DIP2C: variants seen among roughly 807,000 people sequenced by gnomAD.
DIP2C encodes DIP2 acetate--CoA ligase C (putative), also known as disco-interacting protein 2 homolog C.
DIP2C carries 33 observed loss-of-function variants against 192.4 expected under a neutral mutation model. That is an observed-to-expected ratio of 0.17 (90% confidence interval 0.13 to 0.23). The LOEUF is 0.23. DIP2C is among the 10% of genes least tolerant of loss of function. The pLI is 1.00. For synonymous variants in DIP2C, 979 were observed against 864.1 expected (o/e 1.13, Z -2.33); for missense variants, 1,537 against 2,110.1 (o/e 0.73, Z 5.32).
intron 32 of DIP2C, among the ~76,000 whole-genome samples, chr10:294,164 G>T (rs1955631695): frequency 6.6e-6 from 1 of 152,080 alleles, no homozygotes; most frequent in Non-Finnish European, 1.5e-5. Flanking sequence ...GACACCATTT[G>T]CAGGTGTGGA....
intron 10 of DIP2C, among the ~76,000 whole-genome samples, chr10:392,738 G>A (rs1012191581): frequency 2.5e-4 from 37 of 150,338 alleles, no homozygotes; most frequent in African/African-American, 6.9e-4. Flanking sequence ...GTACACACGC[G>A]CACACACTCA....
Position 479,352 on chromosome 10 carries a change from T to A in DIP2C, c.158-6803A>T, listed in dbSNP as rs1014864278. Among the ~76,000 whole-genome samples the A allele has an allele frequency of 9.6e-4, 134 of 140,260 alleles. 3 individuals are homozygous for A. The East Asian group carries it at 0.023, about 24-fold the overall frequency. The allele number at this position is 140,260 out of a possible 152,430, so 92.0% of individuals were successfully genotyped here. On this transcript the variant is annotated intron_variant, in intron 2 of 36. Transcript: ENST00000280886. ...GCTTTTTTTTTTTTTTTTTTTTTTT[T>A]AAGATGGAGTCTTGTTCTGTTGCCA...
chr10:514,918 T>C (rs1846253839), intron 1 of DIP2C, among the ~76,000 whole-genome samples: 1 of 152,222 alleles, frequency 6.6e-6, no homozygotes, highest in Admixed American at 6.5e-5. Context: ...TTTCTGTAGC[T>C]AAGCAACTTC....
At chr10:281,416 A>C in intron 35 of DIP2C, 93 bp from the exon 36 acceptor site, 1 of 1,478,466 alleles carries the variant, frequency 6.8e-7, no homozygotes, top group Admixed American at 2.2e-5. Context: ...ACGACCCCCA[A>C]GTGAGACAGG....
At chr10:537,244 A>C (rs566501627) in intron 1 of DIP2C, among the ~76,000 whole-genome samples, 1 of 152,278 alleles carries the variant, frequency 6.6e-6, no homozygotes, top group East Asian at 1.9e-4. Context: ...TGAAGGAGGC[A>C]GTGGGATCTA....
intron 1 of DIP2C, among the ~76,000 whole-genome samples, chr10:554,009 C>CCT (rs1848717587): frequency 6.6e-6 from 1 of 151,316 alleles, no homozygotes; most frequent in South Asian, 2.1e-4. Context: ...AAGAAATATA[C>CCT]CTCATAGGAA....
chr10:561,631 G>A (rs1051843592), intron 1 of DIP2C, among the ~76,000 whole-genome samples: 3 of 151,994 alleles, frequency 2.0e-5, no homozygotes, highest in African/African-American at 4.8e-5. Context: ...GCCCTTTCCC[G>A]CCAGTCACAG....
rs555960502 is a variant in DIP2C, at chr10:406,716, T to C, written c.1149+2210A>G. Among the ~76,000 whole-genome samples, 3 of 152,182 alleles carry C rather than the reference T, an allele frequency of 2.0e-5. 1 individual carries two copies. In the South Asian group the frequency reaches 6.2e-4, roughly 32 times the overall value. On this transcript the variant is annotated intron_variant, in intron 9 of 36. Transcript: ENST00000280886. ...GCCTTTGTAGGACTAACAAATTAGCTACAAGATTAGAAATTACTGCATGAC... is the reference window on the plus strand; with the variant it reads ...GCCTTTGTAGGACTAACAAATTAGCCACAAGATTAGAAATTACTGCATGAC...
At chr10:352,513 G>A (rs1248096711) in intron 24 of DIP2C, among the ~76,000 whole-genome samples, 2 of 152,216 alleles carry the variant, frequency 1.3e-5, no homozygotes, top group East Asian at 3.8e-4. Context: ...TTTAAATTAA[G>A]TTCTTAAAAA....
chr10:581,734 C>CT (rs1403398818), intron 1 of DIP2C, among the ~76,000 whole-genome samples: 4 of 152,102 alleles, frequency 2.6e-5, no homozygotes, highest in African/African-American at 9.7e-5. Context: ...TGGGTCAGTT[C>CT]TACCCGGTTC....
At chr10:518,750 C>T (rs891160423) in intron 1 of DIP2C, among the ~76,000 whole-genome samples, 10 of 152,124 alleles carry the variant, frequency 6.6e-5, no homozygotes, top group East Asian at 1.9e-4. Context: ...CTGCCTGAGA[C>T]GACAATGCTC....
At chr10:514,084 T>C (rs972934919) in intron 1 of DIP2C, among the ~76,000 whole-genome samples, 2 of 152,198 alleles carry the variant, frequency 1.3e-5, no homozygotes, top group Non-Finnish European at 2.9e-5. Context: ...CTTCTGCCTA[T>C]AGCATGTGTA....
At chr10:397,114 T>A (rs945879796) in intron 10 of DIP2C, among the ~76,000 whole-genome samples, 2 of 152,186 alleles carry the variant, frequency 1.3e-5, no homozygotes, top group African/African-American at 2.4e-5. Context: ...TCTTAAATAT[T>A]GAGTCAACAA....
chr10:302,659 T>A (rs957404564), intron 32 of DIP2C, among the ~76,000 whole-genome samples: 1 of 152,198 alleles, frequency 6.6e-6, no homozygotes, highest in Admixed American at 6.5e-5. Flanking sequence ...TACGCTCCTA[T>A]GCTGTATGGT....
At chr10:630,818 C>A (rs56806588) in intron 1 of DIP2C, 98 of 152,428 alleles carry the variant, frequency 6.4e-4, no homozygotes, top group African/African-American at 2.3e-3. Context: ...GATGCCCAGG[C>A]CTCGCCATGC....
chr10:336,895 G>GGTGTGTGTGTGT (rs112539860), intron 29 of DIP2C, among the ~76,000 whole-genome samples: 13 of 91,772 alleles, frequency 1.4e-4, no homozygotes, highest in African/African-American at 3.0e-4. Context: ...GGCCTAGGCA[G>GGTGTGTGTGTGT]GTGTGTGTGT....
intron 3 of DIP2C, among the ~76,000 whole-genome samples, chr10:447,600 C>T (rs1213726826): frequency 7.0e-6 from 1 of 143,302 alleles, no homozygotes; most frequent in African/African-American, 2.8e-5. Context: ...CACAGTGGGG[C>T]AGCAGGACCC....
intron 1 of DIP2C, among the ~76,000 whole-genome samples, chr10:637,217 T>C (rs915695850): frequency 2.0e-5 from 3 of 151,422 alleles, no homozygotes; most frequent in Non-Finnish European, 4.4e-5. Flanking sequence ...CAACACACCA[T>C]AGGCTGGGCG....
At chr10:411,552 C>A (rs563637736) in intron 8 of DIP2C, among the ~76,000 whole-genome samples, 1 of 152,146 alleles carries the variant, frequency 6.6e-6, no homozygotes, top group African/African-American at 2.4e-5. Context: ...AACGGCAGGA[C>A]TTTAGAGAAT....
Sources: allele counts gnomAD v4.1 joint callset (sites outside exome capture counted in the v4.1 genomes callset), GRCh38; gene constraint gnomAD v4.1.1; transcripts MANE v1.5; gene names NCBI Gene and HGNC (gene_info 2026-07-23, HGNC 2026-07-21).